FRMPD2: variants seen among roughly 807,000 people sequenced by gnomAD.
FRMPD2 encodes FERM and PDZ domain-containing protein 2.
FRMPD2 carries 96 observed loss-of-function variants against 140.1 expected under a neutral mutation model. The observed-to-expected ratio is 0.69, with a 90% CI of 0.58 to 0.81. The LOEUF (loss-of-function observed/expected upper bound fraction) is 0.81. Among genes scored for constraint, FRMPD2 ranks in the 40% least tolerant of loss-of-function variants. The pLI is 0.00. For synonymous variants in FRMPD2, 449 were observed against 547.6 expected, an observed-to-expected ratio of 0.82 and a Z score of 2.52; for missense variants, 1,240 against 1,447.4, an observed-to-expected ratio of 0.86 and a Z score of 2.32.
intron 28 of FRMPD2, chr10:48,159,220 G>A (rs1432982366): frequency 2.2e-6 from 1 of 455,888 alleles, no homozygotes; most frequent in Non-Finnish European, 4.4e-6. Flanking sequence ...AGTTTTGGCA[G>A]GTTGGATTTA....
intron 16 of FRMPD2, among the ~76,000 whole-genome samples, chr10:48,189,824 G>A (rs776846162): frequency 3.3e-5 from 5 of 152,148 alleles, no homozygotes; most frequent in East Asian, 1.9e-4. Context: ...AAATTGCTGC[G>A]CCGTTCATGG....
At chr10:48,184,294 G>GA (rs1281088235) in intron 20 of FRMPD2, among the ~76,000 whole-genome samples, 1 of 150,850 alleles carries the variant, frequency 6.6e-6, no homozygotes, top group Non-Finnish European at 1.5e-5. Context: ...AGAGTTGACA[G>GA]AAAAAAAAAG....
chr10:48,229,924 A>G (rs1349060697), intron 10 of FRMPD2, among the ~76,000 whole-genome samples: 2 of 152,198 alleles, frequency 1.3e-5, no homozygotes, highest in Non-Finnish European at 2.9e-5. Context: ...GTTTCTGATA[A>G]CTTCAAGATC....
Position 48,206,919 on chromosome 10 carries a change from G to A in FRMPD2, c.1626C>T (p.Leu542=). 2 of 1,613,726 alleles carry A rather than the reference G, an allele frequency of 1.2e-6. No individual in the cohort carries two copies. Among genetic ancestry groups the A allele is most frequent in the Non-Finnish European group, 8.5e-7 (1 of 1,179,780 alleles). The change falls in exon 14 of 29, where the codon CTC becomes CTT. Residue 542 remains leucine (L), a synonymous_variant. Transcript: ENST00000374201. ...GGTGAACCAGCACACCGTATTCTGG[G>A]AGCTGCTGAGTGACCTGGAGCAGAA... is the stretch of plus-strand genomic sequence containing the variant. ...ELKFLRVTQQ[L]PEYGVLVHQV...
chr10:48,214,625 A>C (rs1839404682), intron 12 of FRMPD2, among the ~76,000 whole-genome samples: 1 of 152,170 alleles, frequency 6.6e-6, no homozygotes, highest in Admixed American at 6.5e-5. Flanking sequence ...ACTTTTTTTA[A>C]GTGTTTAGGA....
In FRMPD2 at chr10:48,239,712, G is replaced by C. The variant is rs145832172; in HGVS notation, c.701-20C>G. ...CTGAAACTAATCAAGCAGCATGGTAGAGGGTATGGGCAGAAGCCAAGATCA... is the reference window on the plus strand; with the variant it reads ...CTGAAACTAATCAAGCAGCATGGTACAGGGTATGGGCAGAAGCCAAGATCA... On this transcript the variant is annotated intron_variant, in intron 6 of 28. Transcript: ENST00000374201. 1.6e-4 allele frequency: 257 copies of C among 1,592,626 alleles called. 1 individual carries two copies. The East Asian group carries it at 5.0e-3, about 31-fold the overall frequency.
At chr10:48,220,846 C>T (rs1839569352) in intron 12 of FRMPD2, among the ~76,000 whole-genome samples, 1 of 152,202 alleles carries the variant, frequency 6.6e-6, no homozygotes, top group South Asian at 2.1e-4. Context: ...AAATGCTCCA[C>T]ATCACTAATG....
rs1403613525 is a variant in FRMPD2, at chr10:48,184,610, T to C, written c.2540A>G (p.Gln847Arg). ...TAATTCTATGTTGTCAGGGGAATTC[T>C]GGATCATCCTAACAGCCATGTTGAA... ...FTFNMAVRMI[Q>R]NSPDNIELII... Residue 847 changes from glutamine to arginine, a missense_variant, in exon 20 of 29, where the codon CAG becomes CGG. Coordinates refer to ENST00000374201, the MANE Select transcript of FRMPD2 (RefSeq NM_001018071.4). 5.6e-6 allele frequency: 9 copies of C among 1,613,368 alleles called. No homozygotes were observed. Among genetic ancestry groups the C allele is most frequent in the Middle Eastern group, 1.6e-4 (1 of 6,082 alleles).
At chr10:48,245,121 C>T (rs1245827919) in intron 3 of FRMPD2, among the ~76,000 whole-genome samples, 1 of 152,170 alleles carries the variant, frequency 6.6e-6, no homozygotes, top group African/African-American at 2.4e-5. Flanking sequence ...GCTTTACTGA[C>T]AAAAGGACAC....
intron 18 of FRMPD2, 87 bp downstream of exon 18, chr10:48,185,466 T>C (rs1838659354): frequency 1.2e-6 from 1 of 868,822 alleles, no homozygotes; most frequent in Admixed American, 1.7e-5. Flanking sequence ...GAAAGGGGAG[T>C]AGGCAAGTTG....
chr10:48,233,638 G>A (rs1839903657), intron 9 of FRMPD2, among the ~76,000 whole-genome samples: 1 of 152,138 alleles, frequency 6.6e-6, no homozygotes, highest in South Asian at 2.1e-4. Flanking sequence ...TGGAATGTGT[G>A]TTTTCTGAGT....
At chr10:48,193,448 A>C (rs1198123513) in intron 15 of FRMPD2, among the ~76,000 whole-genome samples, 1 of 152,234 alleles carries the variant, frequency 6.6e-6, no homozygotes, top group Non-Finnish European at 1.5e-5. Flanking sequence ...GGTTCCCCCC[A>C]GCTTTGACAC....
chr10:48,254,657 C>A (rs1476639546), intron 1 of FRMPD2, among the ~76,000 whole-genome samples: 2 of 152,244 alleles, frequency 1.3e-5, no homozygotes, highest in Admixed American at 1.3e-4. Flanking sequence ...ACGCCAGGCA[C>A]TGTTCAGAGT....
At chr10:48,253,741 T>C (rs905198091) in intron 1 of FRMPD2, among the ~76,000 whole-genome samples, 4 of 151,856 alleles carry the variant, frequency 2.6e-5, no homozygotes, top group Non-Finnish European at 5.9e-5. Context: ...CACTAGACAG[T>C]AACTCAAATC....
intron 3 of FRMPD2, among the ~76,000 whole-genome samples, chr10:48,245,425 G>A (rs1178778274): frequency 1.3e-5 from 2 of 152,166 alleles, no homozygotes; most frequent in African/African-American, 4.8e-5. Flanking sequence ...TGATTACAAA[G>A]CACCATATCT....
At chr10:48,184,959 C>G (rs2062704) in intron 18 of FRMPD2, 78 bp from the exon 19 acceptor site, 232,357 of 995,572 alleles carry the variant, frequency 0.23, 29,220 homozygotes, top group East Asian at 0.4. Flanking sequence ...TTATTTCCCT[C>G]ATATCACACA....
At chr10:48,257,215 G>T (rs1268141502) in intron 1 of FRMPD2, among the ~76,000 whole-genome samples, 2 of 150,668 alleles carry the variant, frequency 1.3e-5, no homozygotes, top group African/African-American at 4.9e-5. Flanking sequence ...ACATTCACAG[G>T]TTCCACAAAT....
intron 1 of FRMPD2, among the ~76,000 whole-genome samples, chr10:48,260,297 C>A (rs1840562895): frequency 6.6e-6 from 1 of 151,696 alleles, no homozygotes; most frequent in African/African-American, 2.4e-5. Flanking sequence ...AGCTGAAGAC[C>A]CAGGAAATGC....
intron 25 of FRMPD2, among the ~76,000 whole-genome samples, chr10:48,172,413 T>C (rs1483063077): frequency 6.6e-6 from 1 of 152,012 alleles, no homozygotes. Context: ...AGCGTGTTCC[T>C]GGCAAATACC....
Sources: allele counts gnomAD v4.1 joint callset (sites outside exome capture counted in the v4.1 genomes callset), GRCh38; gene constraint gnomAD v4.1.1; transcripts MANE v1.5; gene names NCBI Gene and HGNC (gene_info 2026-07-23, HGNC 2026-07-21).